The following VPS33B variants were observed in gnomAD, a reference collection of about 807,000 sequenced individuals.
The protein encoded by VPS33B is vacuolar protein sorting-associated protein 33B.
Under a neutral mutation model 95.3 loss-of-function variants are expected in VPS33B, and 80 were observed. That is an observed-to-expected ratio of 0.84 (90% confidence interval 0.70 to 1.01). The LOEUF is 1.01. VPS33B is among the 50% of genes least tolerant of loss of function. The probability of loss-of-function intolerance (pLI) is 0.00; values close to 1 mark genes in which losing one functional copy is unlikely to be tolerated. For missense variants in VPS33B, 715 were observed against 773.4 expected, an observed-to-expected ratio of 0.92 and a Z score of 0.90; for synonymous variants, 280 against 280.4, an observed-to-expected ratio of 1.00 and a Z score of 0.01.
At chr15:91,012,083 A>G (rs374140058) in intron 5 of VPS33B, among the ~76,000 whole-genome samples, 4,222 of 145,120 alleles carry the variant, frequency 0.029, 192 homozygotes, top group African/African-American at 0.1. Flanking sequence ...AAAAAAAAAA[A>G]GGTTTGTAAG....
intron 1 of VPS33B, 113 bp from the exon 2 acceptor site, chr15:91,017,998 A>T: frequency 1.1e-6 from 1 of 874,178 alleles, no homozygotes; most frequent in Non-Finnish European, 1.9e-6. Context: ...GAGGGCACTA[A>T]GTATCGTCTA....
chr15:91,006,601 A>G lies in VPS33B; in HGVS notation c.778+51T>C. The G allele has an allele frequency of 6.2e-7, 1 of 1,613,070 alleles. No homozygotes were observed. Among genetic ancestry groups the G allele is most frequent in the Non-Finnish European group, 8.5e-7 (1 of 1,179,010 alleles). The stretch of plus-strand genomic sequence containing the variant: ...ACCCTGCCCCACGTGGGAGGTGCCA[A>G]GGCTGATGACCCGTCCATCTTGCCA... On this transcript the variant is annotated intron_variant, in intron 10 of 22. Coordinates refer to ENST00000333371, the MANE Select transcript of VPS33B (RefSeq NM_018668.5). The surrounding 1 kb of genome is among the most constrained non-coding windows in gnomAD (Gnocchi z 5.4).
rs376401320 is a variant in VPS33B, at chr15:91,017,830, C to T, written c.152G>A (p.Arg51Gln). 9 of 1,613,934 alleles carry T rather than the reference C, an allele frequency of 5.6e-6. No homozygotes were observed. Among genetic ancestry groups the T allele is most frequent in the Non-Finnish European group, 1.7e-6 (2 of 1,179,986 alleles). Reference sequence around the variant, plus strand: ...CTTCAGGATGGAGACATTGGCAATTCGATCCAAAGGGCTCATGAGATCTGC... The same window carrying T: ...CTTCAGGATGGAGACATTGGCAATTTGATCCAAAGGGCTCATGAGATCTGC... Reference protein sequence around the residue: ...IEADLMSPLDRIANVSILKQH... With the variant: ...IEADLMSPLDQIANVSILKQH... Residue 51 changes from arginine to glutamine, a missense_variant, in exon 2 of 23, where the codon CGA becomes CAA. Coordinates refer to ENST00000333371, the MANE Select transcript of VPS33B (RefSeq NM_018668.5).
At position 91,006,652 on chromosome 15, in the gene VPS33B, C is replaced by G; in HGVS notation, c.778G>C (p.Gly260Arg). The change falls in exon 10 of 23, where the codon GGG becomes CGG. Residue 260 changes from glycine (G) to arginine (R), a missense_variant and splice_region_variant. Transcript: ENST00000333371. This position sits in a 1 kb window ranked among gnomAD's most constrained non-coding sequence, Gnocchi z 5.4. ...LVDDTFRIKC[G>R]SVDFGPEVTS... ...AGATGCAGAGGACCATAGCACTTAC[C>G]ACACTTGATGCGGAAGGTGTCATCT... 6.2e-7 allele frequency: 1 copy of G among 1,614,216 alleles called. No individual in the cohort carries two copies. The highest frequency in any genetic ancestry group is 8.5e-7 in the Non-Finnish European group (1 of 1,180,026).
In VPS33B at chr15:91,007,128, G is replaced by T; in HGVS notation, c.604-82C>A. ...ACCTACAGAAGTCAGCCCTTTCCAC[G>T]TGATACTTCCTCTTGTCCCCGAGAC... On this transcript the variant is annotated intron_variant, in intron 8 of 22. Coordinates refer to ENST00000333371, the MANE Select transcript of VPS33B (RefSeq NM_018668.5). This position sits in a 1 kb window ranked among gnomAD's most constrained non-coding sequence, Gnocchi z 5.3. 7.0e-7 allele frequency: 1 copy of T among 1,438,218 alleles called. No individual in the cohort carries two copies. The highest frequency in any genetic ancestry group is 9.7e-7 in the Non-Finnish European group (1 of 1,033,522). 89.1% of individuals were successfully genotyped at this position (1,438,218 alleles called of 1,614,324 possible).
At position 91,006,625 on chromosome 15, in the gene VPS33B, C is replaced by G. The variant is rs190378588; in HGVS notation, c.778+27G>C. Reference sequence around the variant, plus strand: ...AAGGCTGATGACCCGTCCATCTTGCCAAGATGCAGAGGACCATAGCACTTA... The same window carrying G: ...AAGGCTGATGACCCGTCCATCTTGCGAAGATGCAGAGGACCATAGCACTTA... On this transcript the variant is annotated intron_variant, in intron 10 of 22. Coordinates refer to ENST00000333371, the MANE Select transcript of VPS33B (RefSeq NM_018668.5). This position sits in a 1 kb window ranked among gnomAD's most constrained non-coding sequence, Gnocchi z 5.4. The G allele has an allele frequency of 3.6e-3, 5,791 of 1,614,152 alleles. 27 individuals carry two copies. The highest frequency in any genetic ancestry group is 0.014 in the South Asian group (1,239 of 91,086).
Position 91,006,967 on chromosome 15 carries a change from A to G in VPS33B, c.683T>C (p.Ile228Thr), listed in dbSNP as rs2040626718. 6.2e-7 allele frequency: 1 copy of G among 1,614,170 alleles called. No individual in the cohort carries two copies. The highest frequency in any genetic ancestry group is 8.5e-7 in the Non-Finnish European group (1 of 1,180,038). ...TKGRRPEIGH[I>T]FLLDRDVDFV... ...TAATTTACCTCTGTCCAAGAGAAAG[A>G]TATGTCCAATCTCTGGCCTTCGGCC... Residue 228 changes from isoleucine (I) to threonine (T), a missense_variant, in exon 9 of 23, where the codon ATC (isoleucine) becomes ACC (threonine). Coordinates refer to ENST00000333371, the MANE Select transcript of VPS33B (RefSeq NM_018668.5). This position sits in a 1 kb window ranked among gnomAD's most constrained non-coding sequence, Gnocchi z 5.4.
rs762843831 is a variant in VPS33B, at chr15:91,004,909, C to T, written c.1193G>A (p.Arg398His). The T allele has an allele frequency of 6.4e-5, 104 of 1,614,040 alleles. No individual in the cohort carries two copies. The highest frequency in any genetic ancestry group is 3.6e-4 in the South Asian group (33 of 91,080). The stretch of plus-strand genomic sequence containing the variant: ...AGTGATGGACAAAAGGCACATGAGG[C>T]GCAGGCTTTCTATAGGCGACACCTG... ...DRQVSPIESL[R>H]LMCLLSITEN... The change falls in exon 16 of 23, where the codon CGC becomes CAC. Residue 398 changes from arginine (R) to histidine (H), a missense_variant. Arg to His is a conservative substitution (Grantham distance 29). Coordinates refer to ENST00000333371, the MANE Select transcript of VPS33B (RefSeq NM_018668.5).
chr15:91,005,217 T>C lies in VPS33B; in HGVS notation c.1106-98A>G, dbSNP rs1256441414. 1 of 1,611,924 alleles carries C rather than the reference T, an allele frequency of 6.2e-7. No homozygotes were observed. Among genetic ancestry groups the C allele is most frequent in the African/African-American group, 1.3e-5 (1 of 74,876 alleles). Reference sequence around the variant, plus strand: ...GTCTCCCCATCTCTTTCTCCATCCTTGGGGTGGGTTAAGGGACCCCCAGGA... The same window carrying C: ...GTCTCCCCATCTCTTTCTCCATCCTCGGGGTGGGTTAAGGGACCCCCAGGA... On this transcript the variant is annotated intron_variant, in intron 14 of 22. Transcript: ENST00000333371. This position sits in a 1 kb window ranked among gnomAD's most constrained non-coding sequence, Gnocchi z 6.4.
chr15:91,019,138 T>TTTTTG (rs1555460754), intron 1 of VPS33B, among the ~76,000 whole-genome samples: 1 of 112,100 alleles, frequency 8.9e-6, no homozygotes, highest in African/African-American at 4.3e-5. Context: ...TTTTTTTTTT[T>TTTTTG]TAAAGATAGA....
At position 91,006,440 on chromosome 15, in the gene VPS33B, C is replaced by T; in HGVS notation, c.784G>A (p.Val262Ile). 1 of 1,614,218 alleles carries T rather than the reference C, an allele frequency of 6.2e-7. No individual in the cohort carries two copies. Among genetic ancestry groups the T allele is most frequent in the Non-Finnish European group, 8.5e-7 (1 of 1,180,052 alleles). The change falls in exon 11 of 23, where the codon GTC becomes ATC. Residue 262 changes from valine (V) to isoleucine (I), a missense_variant. Coordinates refer to ENST00000333371, the MANE Select transcript of VPS33B (RefSeq NM_018668.5). The surrounding 1 kb of genome is among the most constrained non-coding windows in gnomAD (Gnocchi z 5.4). Reference protein sequence around the residue: ...DDTFRIKCGSVDFGPEVTSSD... With the variant: ...DDTFRIKCGSIDFGPEVTSSD... Reference sequence around the variant, plus strand: ...GATGTGACTTCTGGGCCAAAGTCGACACTCCCTTTGAGAGCAGAGGGACAG... The same window carrying T: ...GATGTGACTTCTGGGCCAAAGTCGATACTCCCTTTGAGAGCAGAGGGACAG...
Position 91,006,395 on chromosome 15 carries a change from C to G in VPS33B, c.829G>C (p.Val277Leu). ...EVTSSDKSLK[V>L]LLNAEDKVFN... is the part of the protein sequence containing the mutation. ...ACCTTGTCCTCGGCATTGAGTAGCA[C>G]CTTCAGGCTCTTGTCAGAGGATGTG... Residue 277 changes from valine to leucine, a missense_variant, in exon 11 of 23, where the codon GTG becomes CTG. Physicochemically the swap from Val to Leu is conservative, Grantham distance 32. Coordinates refer to ENST00000333371, the MANE Select transcript of VPS33B (RefSeq NM_018668.5). This position sits in a 1 kb window ranked among gnomAD's most constrained non-coding sequence, Gnocchi z 5.4. 1 of 1,614,222 alleles carries G rather than the reference C, an allele frequency of 6.2e-7. No homozygotes were observed. Among genetic ancestry groups the G allele is most frequent in the East Asian group, 2.2e-5 (1 of 44,886 alleles).
At position 91,000,595 on chromosome 15, in the gene VPS33B, T is replaced by C. The variant is rs2151663461; in HGVS notation, c.1480-4A>G. On this transcript the variant is annotated splice_polypyrimidine_tract_variant and splice_region_variant and intron_variant, in intron 19 of 22. Transcript: ENST00000333371. The surrounding 1 kb of genome is among the most constrained non-coding windows in gnomAD (Gnocchi z 4.9). ...ACTCGCCGTCCACACGTGGGATCTG[T>C]AAGACAAAGGGACTTCATTAGGCAA... 1 of 1,611,724 alleles carries C rather than the reference T, an allele frequency of 6.2e-7. No individual in the cohort carries two copies. Among genetic ancestry groups the C allele is most frequent in the East Asian group, 2.2e-5 (1 of 44,762 alleles).
At position 91,003,120 on chromosome 15, in the gene VPS33B, TG is replaced by T. The variant is rs758910489; in HGVS notation, c.1236del (p.Lys413ArgfsTer6). On this transcript the variant is annotated frameshift_variant, in exon 17 of 23. Transcript: ENST00000333371. LOFTEE classifies it high-confidence loss of function. ...TGTGTTTTCAGAGATCGGTAATCCT[TG>T]GGGATCAAACCTAAGAGTGAAGAAA... ...LLSITENGLI[P>X]KDYRSLKTQY... 1.6e-5 allele frequency: 26 copies of T among 1,614,008 alleles called. No homozygotes were observed. The highest frequency in any genetic ancestry group is 2.1e-5 in the Non-Finnish European group (25 of 1,180,020).
At position 91,007,856 on chromosome 15, in the gene VPS33B, G is replaced by A. The variant is rs1481143970; in HGVS notation, c.498+14C>T. ...CATCCCCTGATGCCAAGACACAAGG[G>A]CCTCTGCATTTACCAGAAAGTAATC... On this transcript the variant is annotated intron_variant, in intron 7 of 22. Transcript: ENST00000333371. This position sits in a 1 kb window ranked among gnomAD's most constrained non-coding sequence, Gnocchi z 5.3. 3 of 1,612,268 alleles carry A rather than the reference G, an allele frequency of 1.9e-6. No individual in the cohort carries two copies. The highest frequency in any genetic ancestry group is 2.5e-6 in the Non-Finnish European group (3 of 1,178,390).
In VPS33B at chr15:91,022,539, A is replaced by G. The variant is rs532542348; in HGVS notation, c.-290T>C. 2 of 295,412 alleles carry G rather than the reference A, an allele frequency of 6.8e-6. No individual in the cohort carries two copies. 18.3% of individuals were successfully genotyped at this position (295,412 alleles called of 1,614,324 possible). Reference sequence around the variant, plus strand: ...CAGGATTCCGGTCTACACCCCGCAGAGACTCCGCAGCGTACGAGGAGAACC... The same window carrying G: ...CAGGATTCCGGTCTACACCCCGCAGGGACTCCGCAGCGTACGAGGAGAACC... On this transcript the variant is annotated 5_prime_UTR_variant, in exon 1 of 23. Transcript: ENST00000333371.
In VPS33B at chr15:90,998,930, G is replaced by A. The variant is rs779885370; in HGVS notation, c.*45C>T. 1.9e-6 allele frequency: 3 copies of A among 1,606,786 alleles called. No homozygotes were observed. Among genetic ancestry groups the A allele is most frequent in the African/African-American group, 1.3e-5 (1 of 74,908 alleles). On this transcript the variant is annotated 3_prime_UTR_variant, in exon 23 of 23. Coordinates refer to ENST00000333371, the MANE Select transcript of VPS33B (RefSeq NM_018668.5). The surrounding 1 kb of genome is among the most constrained non-coding windows in gnomAD (Gnocchi z 4.8). ...GGGTGCCAGATGCCTGCATCTCACT[G>A]AGGAATGTGTTCAGGGAAGATGTCA...
chr15:91,017,685 C>T (rs1451551428), intron 2 of VPS33B, 120 bp downstream of exon 2: 1 of 950,390 alleles, frequency 1.1e-6, no homozygotes, highest in South Asian at 1.4e-5. Flanking sequence ...CCCTTTTCTA[C>T]CCAATTAAGC....
chr15:91,014,362 C>T (rs1375270653), intron 4 of VPS33B, 22 bp downstream of exon 4: 1 of 1,613,702 alleles, frequency 6.2e-7, no homozygotes, highest in East Asian at 2.2e-5. Flanking sequence ...CACAGTTACA[C>T]ATAGTACCAT....
Sources: gnomAD v4.1 joint callset for allele counts (sites outside exome capture counted in the v4.1 genomes callset) on GRCh38, gnomAD v4.1.1 for gene constraint, Gnocchi (gnomAD v3.1) non-coding constraint, MANE v1.5 for transcripts, NCBI Gene and HGNC (gene_info 2026-07-23, HGNC 2026-07-21) for gene names.